Variants in CHN1 observed in about 807,000 individuals in gnomAD.
CHN1 encodes the protein N-chimaerin.
Under a neutral mutation model 59.5 loss-of-function variants are expected in CHN1, and 37 were observed. That is an observed-to-expected ratio of 0.62 (90% confidence interval 0.48 to 0.82). The LOEUF (loss-of-function observed/expected upper bound fraction) is 0.82. Among genes scored for constraint, CHN1 ranks in the 40% least tolerant of loss-of-function variants. CHN1 has a pLI of 0.00. For missense variants in CHN1, 469 were observed against 571.0 expected (o/e 0.82, Z 1.82); for synonymous variants, 206 against 200.4 (o/e 1.03, Z -0.24).
At chr2:174,871,123 G>T (rs1687391743) in intron 6 of CHN1, among the ~76,000 whole-genome samples, 1 of 151,576 alleles carries the variant, frequency 6.6e-6, no homozygotes, top group Non-Finnish European at 1.5e-5. Context: ...GGATTCTCTG[G>T]TAAGGTGTAG....
intron 5 of CHN1, among the ~76,000 whole-genome samples, chr2:174,901,239 C>A (rs912834124): frequency 6.6e-6 from 1 of 152,212 alleles, no homozygotes; most frequent in Non-Finnish European, 1.5e-5. Context: ...CCCTCTCCAA[C>A]TCACTGTGCT....
chr2:174,893,954 C>A (rs1285463625), intron 5 of CHN1, among the ~76,000 whole-genome samples: 1 of 152,126 alleles, frequency 6.6e-6, no homozygotes, highest in African/African-American at 2.4e-5. Flanking sequence ...ACACCATGTA[C>A]AAACATCAAC....
intron 5 of CHN1, among the ~76,000 whole-genome samples, chr2:174,903,626 C>T (rs912195423): frequency 9.9e-5 from 15 of 151,880 alleles, no homozygotes; most frequent in African/African-American, 3.6e-4. Flanking sequence ...GCTTTTATAA[C>T]AGAAATATAA....
At chr2:174,823,675 A>G (rs1488580950) in intron 8 of CHN1, among the ~76,000 whole-genome samples, 1 of 152,126 alleles carries the variant, frequency 6.6e-6, no homozygotes, top group Non-Finnish European at 1.5e-5. Flanking sequence ...AAAAAAAAAA[A>G]AAGAATTTAA....
At chr2:174,945,493 G>A (rs1331276964) in intron 2 of CHN1, among the ~76,000 whole-genome samples, 1 of 152,048 alleles carries the variant, frequency 6.6e-6, no homozygotes, top group Non-Finnish European at 1.5e-5. Flanking sequence ...AAAGAATTCA[G>A]ATATTCAAAT....
At chr2:174,833,965 C>T (rs1399470155) in intron 7 of CHN1, among the ~76,000 whole-genome samples, 1 of 151,978 alleles carries the variant, frequency 6.6e-6, no homozygotes, top group Non-Finnish European at 1.5e-5. Flanking sequence ...CTAATTTTGT[C>T]TCTTTCTCTT....
At chr2:175,001,574 T>C (rs923877673) in intron 1 of CHN1, among the ~76,000 whole-genome samples, 1 of 152,170 alleles carries the variant, frequency 6.6e-6, no homozygotes, top group African/African-American at 2.4e-5. Context: ...AAGTGATCTA[T>C]GGTAGTAAGA....
intron 1 of CHN1, among the ~76,000 whole-genome samples, chr2:174,965,029 T>C (rs906429060): frequency 7.9e-5 from 12 of 152,150 alleles, no homozygotes; most frequent in African/African-American, 2.9e-4. Flanking sequence ...CTTTAGGCAA[T>C]GATTTTTAAA....
At chr2:174,924,358 C>T (rs781317757) in intron 3 of CHN1, among the ~76,000 whole-genome samples, 4 of 152,194 alleles carry the variant, frequency 2.6e-5, no homozygotes, top group African/African-American at 4.8e-5. Context: ...CCCTGCCAAG[C>T]CCAAATCCCT....
chr2:174,880,790 G>A (rs1004776946), intron 5 of CHN1, among the ~76,000 whole-genome samples: 4 of 152,184 alleles, frequency 2.6e-5, no homozygotes, highest in African/African-American at 9.6e-5. Context: ...GCTCACGCCT[G>A]TAATAACAGC....
At chr2:174,952,079 T>C (rs1271195509) in intron 2 of CHN1, 85 bp downstream of exon 2, 5 of 832,102 alleles carry the variant, frequency 6.0e-6, no homozygotes, top group African/African-American at 1.8e-5. Context: ...GGGTACAAAA[T>C]GGAATGAGTA....
chr2:174,884,082 C>T (rs889591177), intron 5 of CHN1, among the ~76,000 whole-genome samples: 3 of 151,508 alleles, frequency 2.0e-5, no homozygotes, highest in South Asian at 2.1e-4. Flanking sequence ...ATTCTCCTGC[C>T]TCAGCCTCCC....
At chr2:174,857,601 T>C (rs1686944616) in intron 6 of CHN1, among the ~76,000 whole-genome samples, 1 of 152,168 alleles carries the variant, frequency 6.6e-6, no homozygotes, top group Non-Finnish European at 1.5e-5. Context: ...CCAGGAATGA[T>C]GGTTGTATAA....
intron 5 of CHN1, 148 bp from the exon 6 acceptor site, chr2:174,878,276 G>C: frequency 1.5e-6 from 1 of 668,786 alleles, no homozygotes; most frequent in East Asian, 2.9e-5. Context: ...TCTCTGAATC[G>C]TCTGGAATAT....
chr2:174,847,080 G>A, intron 6 of CHN1, 123 bp from the exon 7 acceptor site: 1 of 1,551,718 alleles, frequency 6.4e-7, no homozygotes, highest in Non-Finnish European at 8.7e-7. Flanking sequence ...TTTGATTTGT[G>A]AACTGCAGCC....
chr2:174,904,179 C>T lies in CHN1; in HGVS notation c.260+10879G>A, dbSNP rs184072379. On this transcript the variant is annotated intron_variant, in intron 5 of 12. Coordinates refer to ENST00000409900, the MANE Select transcript of CHN1 (RefSeq NM_001822.7). ...TCGGGAGGCTGAGGCAGGAGAATCG[C>T]TTGAACCCGGGAGGTGGAGGTTGTG... Among the ~76,000 whole-genome samples the T allele has an allele frequency of 2.3e-3, 352 of 151,970 alleles. 3 individuals carry two copies. Among genetic ancestry groups the T allele is most frequent in the East Asian group, 0.023 (116 of 5,130 alleles).
At chr2:174,832,112 T>C (rs987711700) in intron 7 of CHN1, among the ~76,000 whole-genome samples, 8 of 152,104 alleles carry the variant, frequency 5.3e-5, no homozygotes, top group Non-Finnish European at 1.2e-4. Flanking sequence ...AATTTCTTTT[T>C]GACTTGGTTA....
At chr2:174,938,716 G>C (rs1689571962) in intron 3 of CHN1, among the ~76,000 whole-genome samples, 2 of 152,112 alleles carry the variant, frequency 1.3e-5, no homozygotes, top group Non-Finnish European at 2.9e-5. Flanking sequence ...ATAAGTAACA[G>C]ACTATAAGTT....
chr2:174,946,869 C>G (rs1689852292), intron 2 of CHN1, among the ~76,000 whole-genome samples: 1 of 123,206 alleles, frequency 8.1e-6, no homozygotes, highest in Admixed American at 1.0e-4. Context: ...ACCAGCCTGG[C>G]AACATAGCGA....
Sources: gnomAD v4.1 joint callset for allele counts (sites outside exome capture counted in the v4.1 genomes callset) on GRCh38, gnomAD v4.1.1 for gene constraint, MANE v1.5 for transcripts, NCBI Gene and HGNC (gene_info 2026-07-23, HGNC 2026-07-21) for gene names.